The following FIP1L1 variants were observed in gnomAD, a reference collection of about 807,000 sequenced individuals.
FIP1L1 encodes the protein pre-mRNA 3'-end-processing factor FIP1.
A neutral mutation model predicts 84.6 loss-of-function variants in FIP1L1; 21 were observed. The observed-to-expected ratio is 0.25, with a 90% confidence interval of 0.18 to 0.36. The LOEUF (loss-of-function observed/expected upper bound fraction) is 0.36, where lower values mean the gene tolerates loss of function less well. Among genes scored for constraint, FIP1L1 ranks in the 10% least tolerant of loss-of-function variants. The pLI, the probability that FIP1L1 is intolerant of heterozygous loss-of-function variation, is 1.00. For missense variants in FIP1L1, 526 were observed against 751.1 expected, an observed-to-expected ratio of 0.70 and a Z score of 3.50; for synonymous variants, 263 against 242.3, an observed-to-expected ratio of 1.09 and a Z score of -0.80.
At chr4:53,383,923 AAGG>A (rs1739448577) in intron 5 of FIP1L1, 47 bp downstream of exon 5, 1 of 1,561,828 alleles carries the variant, frequency 6.4e-7, no homozygotes, top group African/African-American at 1.4e-5. Flanking sequence ...GCTATATAGT[AAGG>A]AGAGTGTGCC....
At chr4:53,409,952 C>G (rs1417848464) in intron 10 of FIP1L1, among the ~76,000 whole-genome samples, 1 of 152,270 alleles carries the variant, frequency 6.6e-6, no homozygotes, top group East Asian at 1.9e-4. Flanking sequence ...CTGAGTGAGG[C>G]AATGCCTTGC....
intron 13 of FIP1L1, among the ~76,000 whole-genome samples, chr4:53,439,026 G>A (rs772643086): frequency 6.6e-5 from 10 of 151,952 alleles, no homozygotes; most frequent in Admixed American, 2.0e-4. Flanking sequence ...ATAAATCTAC[G>A]AAAATAATCA....
chr4:53,413,525 C>CT (rs71662222), intron 10 of FIP1L1, among the ~76,000 whole-genome samples: 2 of 151,820 alleles, frequency 1.3e-5, no homozygotes, highest in Non-Finnish European at 2.9e-5. Context: ...ATTGCATCTC[C>CT]TTTTTTTTCC....
At chr4:53,448,687 T>C (rs1775183760) in intron 15 of FIP1L1, among the ~76,000 whole-genome samples, 1 of 152,164 alleles carries the variant, frequency 6.6e-6, no homozygotes, top group Non-Finnish European at 1.5e-5. Context: ...GAGTCCTTGC[T>C]TTTATTTACT....
chr4:53,454,814 A>G (rs1718073548), intron 16 of FIP1L1, among the ~76,000 whole-genome samples: 1 of 152,182 alleles, frequency 6.6e-6, no homozygotes, highest in African/African-American at 2.4e-5. Context: ...GAAGCCAGGC[A>G]TTGCCTTCTC....
rs1441770379 is a variant in FIP1L1 at position 53,399,600 on chromosome 4, A to G, written c.706-130A>G. ...TTCTAAAATAGGCTAATTTTAATAAATATTCAGCAAAGGAACATTCTTAGT... is the reference window on the plus strand; with the variant it reads ...TTCTAAAATAGGCTAATTTTAATAAGTATTCAGCAAAGGAACATTCTTAGT... On this transcript the variant is annotated intron_variant, in intron 9 of 17. Transcript: ENST00000337488. 3 of 618,984 alleles carry G rather than the reference A, an allele frequency of 4.8e-6. No homozygotes were observed. The African/African-American group carries it at 5.5e-5, about 11-fold the overall frequency. The allele number at this position is 618,984 out of a possible 1,614,324, so 38.3% of individuals were successfully genotyped here. A position where few individuals can be genotyped will look rare whatever the true frequency, so the allele number is the denominator to read the frequency against.
At chr4:53,437,352 A>AAAAG (rs1769808335) in intron 13 of FIP1L1, among the ~76,000 whole-genome samples, 12 of 139,870 alleles carry the variant, frequency 8.6e-5, no homozygotes, top group African/African-American at 1.6e-4. Flanking sequence ...AAAAAAAAAA[A>AAAAG]AGAGAGAGAA....
At chr4:53,388,824 A>G (rs1742578141) in intron 5 of FIP1L1, among the ~76,000 whole-genome samples, 1 of 152,230 alleles carries the variant, frequency 6.6e-6, no homozygotes, top group African/African-American at 2.4e-5. Context: ...AAATGTATAC[A>G]AGGCTCATTT....
At chr4:53,414,452 ATACT>A (rs1758536799) in intron 10 of FIP1L1, among the ~76,000 whole-genome samples, 159 bp from the exon 11 acceptor site, 1 of 152,048 alleles carries the variant, frequency 6.6e-6, no homozygotes, top group African/African-American at 2.4e-5. Flanking sequence ...CTATATTTAA[ATACT>A]TAGTACCACA....
chr4:53,425,594 A>T (rs1212563474), intron 11 of FIP1L1, among the ~76,000 whole-genome samples: 1 of 152,234 alleles, frequency 6.6e-6, no homozygotes. Context: ...TTTGGAGACT[A>T]CTAAAACTAG....
At chr4:53,389,960 A>T (rs766365628) in intron 6 of FIP1L1, 87 bp downstream of exon 6, 160 of 992,442 alleles carry the variant, frequency 1.6e-4, no homozygotes, top group Non-Finnish European at 2.2e-4. Context: ...TTAGTCGGGG[A>T]CAGAGTCTGG....
At chr4:53,381,493 T>C (rs1351636056) in intron 3 of FIP1L1, among the ~76,000 whole-genome samples, 1 of 152,224 alleles carries the variant, frequency 6.6e-6, no homozygotes, top group African/African-American at 2.4e-5. Flanking sequence ...GTAAATGTAC[T>C]GAACAATTAT....
In FIP1L1 at chr4:53,458,802, A is replaced by C; in HGVS notation, c.1637+12A>C. ...AAGTCTTCTCGAAGGTTTGCTCTTT[A>C]ATAAAATAGTGAACCAATAGTATGT... is the stretch of plus-strand genomic sequence containing the variant. On this transcript the variant is annotated intron_variant, in intron 17 of 17. Transcript: ENST00000337488. 6.2e-7 allele frequency: 1 copy of C among 1,608,382 alleles called. No individual in the cohort carries two copies. Among genetic ancestry groups the C allele is most frequent in the Non-Finnish European group, 8.5e-7 (1 of 1,177,334 alleles).
At chr4:53,446,199 CTT>C (rs35064200) in intron 15 of FIP1L1, among the ~76,000 whole-genome samples, 1 of 148,498 alleles carries the variant, frequency 6.7e-6, no homozygotes, top group Non-Finnish European at 1.5e-5. Context: ...CCCTTCTCCC[CTT>C]TTTTTTTTGC....
At chr4:53,411,029 G>T (rs1433526829) in intron 10 of FIP1L1, among the ~76,000 whole-genome samples, 1 of 152,170 alleles carries the variant, frequency 6.6e-6, no homozygotes, top group Non-Finnish European at 1.5e-5. Flanking sequence ...TGGGTTTAAA[G>T]TGTGACAGTC....
intron 11 of FIP1L1, among the ~76,000 whole-genome samples, chr4:53,420,724 A>G (rs980036859): frequency 1.3e-5 from 2 of 152,182 alleles, no homozygotes; most frequent in African/African-American, 4.8e-5. Flanking sequence ...ACACAGGTAT[A>G]GAAACAGTAC....
chr4:53,403,018 G>A (rs1751087127), intron 10 of FIP1L1, among the ~76,000 whole-genome samples: 1 of 152,164 alleles, frequency 6.6e-6, no homozygotes. Context: ...TGGTGAGAGT[G>A]AGGCTGTTGG....
At chr4:53,401,146 G>C (rs951298762) in intron 10 of FIP1L1, among the ~76,000 whole-genome samples, 1 of 152,214 alleles carries the variant, frequency 6.6e-6, no homozygotes, top group African/African-American at 2.4e-5. Context: ...ATTCATTTAT[G>C]TAAAGTGTTT....
At chr4:53,444,585 A>T (rs9995110) in intron 15 of FIP1L1, among the ~76,000 whole-genome samples, 14,187 of 152,118 alleles carry the variant, frequency 0.093, 1,164 homozygotes, top group South Asian at 0.28. Flanking sequence ...TATTTTAAAA[A>T]TGCTGTGCAT....
Sources: gnomAD v4.1 joint callset for allele counts (sites outside exome capture counted in the v4.1 genomes callset) on GRCh38, gnomAD v4.1.1 for gene constraint, MANE v1.5 for transcripts, NCBI Gene and HGNC (gene_info 2026-07-23, HGNC 2026-07-21) for gene names.